Variants in DMXL1 observed in about 807,000 individuals in gnomAD.
The protein encoded by DMXL1 is Dmx like 1, also known as dmX-like protein 1.
DMXL1 carries 99 observed loss-of-function variants against 319.2 expected under a neutral mutation model. The observed-to-expected ratio is 0.31, with a 90% CI of 0.26 to 0.37. DMXL1 has a LOEUF of 0.37. Among genes scored for constraint, DMXL1 ranks in the 10% least tolerant of loss-of-function variants. DMXL1 has a pLI of 1.00. For missense variants in DMXL1, 3,745 were observed against 3,595.6 expected, an observed-to-expected ratio of 1.04 and a Z score of -1.06; for synonymous variants, 1,385 against 1,235.2, an observed-to-expected ratio of 1.12 and a Z score of -2.54.
intron 38 of DMXL1, among the ~76,000 whole-genome samples, chr5:119,232,012 C>T (rs1435647763): frequency 6.6e-6 from 1 of 151,882 alleles, no homozygotes. Context: ...ATTATGTTGC[C>T]CAGGCAGGAG....
chr5:119,230,316 C>T (rs1786435484), intron 38 of DMXL1, among the ~76,000 whole-genome samples: 1 of 152,106 alleles, frequency 6.6e-6, no homozygotes, highest in Admixed American at 6.5e-5. Flanking sequence ...AAGATTATCC[C>T]ACATCAGATG....
chr5:119,220,780 CAG>C (rs1286470336), intron 36 of DMXL1, among the ~76,000 whole-genome samples, 158 bp from the exon 37 acceptor site: 2 of 152,046 alleles, frequency 1.3e-5, no homozygotes, highest in Non-Finnish European at 2.9e-5. Context: ...GTGAAGGGAA[CAG>C]AAATTGTTGA....
intron 17 of DMXL1, among the ~76,000 whole-genome samples, chr5:119,148,215 T>TGAAGGGCCC (rs1339422580): frequency 2.0e-5 from 3 of 152,144 alleles, no homozygotes; most frequent in Non-Finnish European, 4.4e-5. Context: ...AAAGTGACCA[T>TGAAGGGCCC]TCAGTACTTA....
rs760456903 is a variant in DMXL1, at chr5:119,197,867, C to T, written c.7656C>T (p.Ile2552=). ...ATGGTGGGCCACCTCAAAATTATAT[C>T]GCAAGTCATACCGCCGAAGAGAGTT... ...EIHGGPPQNY[I]ASHTAEESLS... is the part of the protein sequence containing the mutation. The change falls in exon 32 of 44, where the codon ATC becomes ATT. Residue 2552 remains isoleucine (I), a synonymous_variant. Transcript: ENST00000539542. The T allele has an allele frequency of 4.3e-6, 7 of 1,614,070 alleles. No homozygotes were observed. Among genetic ancestry groups the T allele is most frequent in the East Asian group, 2.2e-5 (1 of 44,900 alleles).
intron 23 of DMXL1, 120 bp downstream of exon 23, chr5:119,167,984 C>G (rs1414466593): frequency 1.0e-6 from 1 of 979,308 alleles, no homozygotes; most frequent in African/African-American, 1.7e-5. Flanking sequence ...GTCTTTATAA[C>G]AGTTTTTGGT....
In DMXL1 at chr5:119,133,842, C is replaced by T; in HGVS notation, c.1918C>T (p.Leu640Phe). The T allele has an allele frequency of 6.2e-7, 1 of 1,614,158 alleles. No homozygotes were observed. The highest frequency in any genetic ancestry group is 1.3e-5 in the African/African-American group (1 of 75,050). ...KSRYCGHRFH[L>F]NDLACHSVLP... is the part of the protein sequence containing the mutation. The stretch of plus-strand genomic sequence containing the variant: ...CAGATATTGTGGTCATCGTTTTCAT[C>T]TTAATGATTTAGCTTGCCACTCAGT... Residue 640 changes from leucine to phenylalanine, a missense_variant, in exon 12 of 44, where the codon CTT (leucine) becomes TTT (phenylalanine). Transcript: ENST00000539542.
chr5:119,154,246 C>T (rs558988698), intron 19 of DMXL1, among the ~76,000 whole-genome samples: 2 of 152,270 alleles, frequency 1.3e-5, no homozygotes, highest in South Asian at 4.1e-4. Flanking sequence ...AAATCAAAAG[C>T]TAGAAAGGAC....
At chr5:119,223,613 C>T (rs962287587) in intron 37 of DMXL1, among the ~76,000 whole-genome samples, 8 of 152,036 alleles carry the variant, frequency 5.3e-5, no homozygotes, top group African/African-American at 1.7e-4. Flanking sequence ...CATGAGGGTT[C>T]GGATTGCCTC....
rs529693066 is a variant in DMXL1, at chr5:119,248,206, G to A, written c.*987G>A. 4 of 152,288 alleles carry A rather than the reference G, an allele frequency of 2.6e-5. No homozygotes were observed. Among genetic ancestry groups the A allele is most frequent in the East Asian group, 3.9e-4 (2 of 5,186 alleles). The allele number at this position is 152,288 out of a possible 1,614,324, so 9.4% of individuals were successfully genotyped here. A position where few individuals can be genotyped will look rare whatever the true frequency, so the allele number is the denominator to read the frequency against. On this transcript the variant is annotated 3_prime_UTR_variant, in exon 44 of 44. Transcript: ENST00000539542. ...TTTTAATCTCAAAATTCTGAAAAGC[G>A]AATAGCAGTGTTTTCAGAAACAAAT...
intron 1 of DMXL1, among the ~76,000 whole-genome samples, chr5:119,096,209 T>A (rs1755925469): frequency 6.6e-6 from 1 of 151,090 alleles, no homozygotes; most frequent in Non-Finnish European, 1.5e-5. Context: ...GGAGTTTTGC[T>A]CTTGTTGCCT....
At chr5:119,083,141 G>A (rs1752596838) in intron 1 of DMXL1, among the ~76,000 whole-genome samples, 2 of 151,960 alleles carry the variant, frequency 1.3e-5, no homozygotes, top group South Asian at 4.1e-4. Flanking sequence ...CTCCCCAGTA[G>A]CTGTGATTAC....
intron 19 of DMXL1, among the ~76,000 whole-genome samples, chr5:119,159,331 A>G (rs2150193972): frequency 6.6e-6 from 1 of 152,346 alleles, no homozygotes; most frequent in East Asian, 1.9e-4. Flanking sequence ...TTCTGACCTC[A>G]AGTAATCTGC....
intron 29 of DMXL1, among the ~76,000 whole-genome samples, chr5:119,190,358 A>G (rs1211741052): frequency 6.6e-6 from 1 of 152,218 alleles, no homozygotes; most frequent in African/African-American, 2.4e-5. Context: ...TGTATTAAAT[A>G]TGAGTAAACT....
At chr5:119,144,422 T>C (rs989305415) in intron 14 of DMXL1, 114 bp from the exon 15 acceptor site, 1 of 776,678 alleles carries the variant, frequency 1.3e-6, no homozygotes, top group South Asian at 1.7e-5. Context: ...TGCTGAACTT[T>C]TGACTTCTTA....
intron 1 of DMXL1, among the ~76,000 whole-genome samples, chr5:119,096,880 A>G (rs1756091802): frequency 6.6e-6 from 1 of 152,238 alleles, no homozygotes. Context: ...CCCTTGTGTT[A>G]GAATTGAGGA....
chr5:119,227,939 C>T (rs978731411), intron 38 of DMXL1, among the ~76,000 whole-genome samples: 3 of 152,056 alleles, frequency 2.0e-5, no homozygotes, highest in Admixed American at 6.6e-5. Flanking sequence ...TCTTTGTTCA[C>T]GAAGGCATAC....
At chr5:119,228,440 A>G (rs1338655227) in intron 38 of DMXL1, among the ~76,000 whole-genome samples, 1 of 152,212 alleles carries the variant, frequency 6.6e-6, no homozygotes, top group Non-Finnish European at 1.5e-5. Context: ...TTTTAACAAA[A>G]TAACTGAAAG....
In DMXL1 at chr5:119,110,435, A is replaced by C. The variant is rs184385094; in HGVS notation, c.497+152A>C. 5 of 642,306 alleles carry C rather than the reference A, an allele frequency of 7.8e-6. No homozygotes were observed. In the Admixed American group the frequency reaches 1.1e-4, roughly 14 times the overall value. The allele number at this position is 642,306 out of a possible 1,614,324, so 39.8% of individuals were successfully genotyped here. A position where few individuals can be genotyped will look rare whatever the true frequency, so the allele number is the denominator to read the frequency against. On this transcript the variant is annotated intron_variant, in intron 5 of 43. Transcript: ENST00000539542. ...TTTTCTTATACACAGATAATTCTCT[A>C]TTTCCCGTGTTCTACAAATACATTT... is the stretch of plus-strand genomic sequence containing the variant.
chr5:119,105,893 C>T (rs1758231183), intron 4 of DMXL1, among the ~76,000 whole-genome samples: 7 of 135,740 alleles, frequency 5.2e-5, no homozygotes, highest in Admixed American at 3.0e-4. Flanking sequence ...GTGAAACTGT[C>T]TCAAAAAAAA....
Sources: allele counts gnomAD v4.1 joint callset (sites outside exome capture counted in the v4.1 genomes callset), GRCh38; gene constraint gnomAD v4.1.1; transcripts MANE v1.5; gene names NCBI Gene and HGNC (gene_info 2026-07-23, HGNC 2026-07-21).